TTC39B: variants seen among roughly 807,000 people sequenced by gnomAD.
The protein encoded by TTC39B is tetratricopeptide repeat protein 39B.
A neutral mutation model predicts 96.6 loss-of-function variants in TTC39B; 92 were observed. The ratio of observed to expected loss-of-function variants is 0.95; its 90% CI spans 0.80 to 1.13. The LOEUF is 1.13. Among genes scored for constraint, TTC39B ranks in the 50% most tolerant of loss-of-function variants. The probability of loss-of-function intolerance (pLI) is 0.00; values close to 1 mark genes in which losing one functional copy is unlikely to be tolerated. For missense variants in TTC39B, 955 were observed against 809.3 expected, an observed-to-expected ratio of 1.18 and a Z score of -2.18; for synonymous variants, 367 against 299.4, an observed-to-expected ratio of 1.23 and a Z score of -2.33.
At chr9:15,284,152 C>G (rs1340980585) in intron 1 of TTC39B, among the ~76,000 whole-genome samples, 2 of 152,228 alleles carry the variant, frequency 1.3e-5, no homozygotes, top group South Asian at 4.1e-4. Context: ...CACTCGTACA[C>G]TGAAGAAGAA....
chr9:15,191,162 C>T (rs1241995141), intron 10 of TTC39B, 28 bp downstream of exon 10: 1 of 1,511,114 alleles, frequency 6.6e-7, no homozygotes. Context: ...TCTTCCCTGT[C>T]AAAATTAACA....
In TTC39B at chr9:15,188,014, T is replaced by C. The variant is rs763837031; in HGVS notation, c.1352A>G (p.Tyr451Cys). 7 of 1,612,558 alleles carry C rather than the reference T, an allele frequency of 4.3e-6. No individual in the cohort carries two copies. The highest frequency in any genetic ancestry group is 3.3e-5 in the South Asian group (3 of 90,680). Reference sequence around the variant, plus strand: ...TTTGCAAAGCAGATCTGAATAGTAATATGCCTGCATCCAGTTTTGTTGGAA... The same window carrying C: ...TTTGCAAAGCAGATCTGAATAGTAACATGCCTGCATCCAGTTTTGTTGGAA... The change falls in exon 14 of 20, where the codon TAT (tyrosine) becomes TGT (cysteine). Residue 451 changes from tyrosine (Y) to cysteine (C), a missense_variant. By Grantham distance (194) the Tyr-to-Cys change is radical. Transcript: ENST00000512701.
At chr9:15,249,453 A>C (rs1822433478) in intron 2 of TTC39B, 1 of 153,006 alleles carries the variant, frequency 6.5e-6, no homozygotes, top group African/African-American at 2.4e-5. Flanking sequence ...CTAATCTCTA[A>C]GGTTCTAATT....
exon 20 of TTC39B, chr9:15,171,354 T>G (rs1817650774): frequency 6.6e-6 from 1 of 152,146 alleles, no homozygotes; most frequent in African/African-American, 2.4e-5. Flanking sequence ...TTGAATTTTG[T>G]TATTATAATA....
At chr9:15,204,282 A>C (rs941254852) in intron 6 of TTC39B, among the ~76,000 whole-genome samples, 2 of 152,180 alleles carry the variant, frequency 1.3e-5, no homozygotes, top group Non-Finnish European at 2.9e-5. Flanking sequence ...TAATCCCAGC[A>C]CTTTGGGAGG....
chr9:15,188,787 A>G (rs935632017), intron 13 of TTC39B, among the ~76,000 whole-genome samples: 1 of 152,212 alleles, frequency 6.6e-6, no homozygotes, highest in Non-Finnish European at 1.5e-5. Context: ...TGAGGAGGAC[A>G]ATTTGGCTGG....
At chr9:15,232,538 C>T (rs530203170) in intron 2 of TTC39B, 1 of 152,322 alleles carries the variant, frequency 6.6e-6, no homozygotes, top group South Asian at 2.1e-4. Context: ...AATAAAAACT[C>T]AGAAACGGCA....
intron 2 of TTC39B, among the ~76,000 whole-genome samples, chr9:15,265,522 A>C (rs1823099356): frequency 6.6e-6 from 1 of 152,194 alleles, no homozygotes; most frequent in African/African-American, 2.4e-5. Context: ...TCCTGCCAAC[A>C]CCAAGGGAGG....
At chr9:15,242,203 A>T (rs1822075090) in intron 2 of TTC39B, among the ~76,000 whole-genome samples, 1 of 152,212 alleles carries the variant, frequency 6.6e-6, no homozygotes, top group Non-Finnish European at 1.5e-5. Context: ...GGAGCAAATG[A>T]AGGATAACAT....
intron 8 of TTC39B, among the ~76,000 whole-genome samples, chr9:15,198,645 G>A (rs1459724661): frequency 2.0e-5 from 3 of 151,436 alleles, no homozygotes; most frequent in Non-Finnish European, 4.4e-5. Context: ...ACAGCTAAGA[G>A]AACAACAGTT....
At chr9:15,209,005 A>G (rs1489877436) in intron 6 of TTC39B, among the ~76,000 whole-genome samples, 1 of 152,186 alleles carries the variant, frequency 6.6e-6, no homozygotes, top group Non-Finnish European at 1.5e-5. Flanking sequence ...AATCAGCCAA[A>G]GCTACTTCTA....
At chr9:15,191,010 C>A (rs933194893) in intron 10 of TTC39B, among the ~76,000 whole-genome samples, 180 bp downstream of exon 10, 1 of 152,160 alleles carries the variant, frequency 6.6e-6, no homozygotes, top group Non-Finnish European at 1.5e-5. Context: ...TAACTTTCAT[C>A]AGAAAAACTA....
At chr9:15,249,892 C>G in intron 2 of TTC39B, 1 of 1,241,682 alleles carries the variant, frequency 8.1e-7, no homozygotes, top group South Asian at 1.4e-5. Flanking sequence ...AACCCAGGAA[C>G]TGCTAAATAA....
intron 3 of TTC39B, among the ~76,000 whole-genome samples, chr9:15,223,258 G>A (rs1047518816): frequency 1.3e-5 from 2 of 152,216 alleles, no homozygotes; most frequent in Non-Finnish European, 2.9e-5. Flanking sequence ...AACCATGGTT[G>A]TCAAAACACT....
At chr9:15,232,754 G>A (rs1393398016) in intron 2 of TTC39B, among the ~76,000 whole-genome samples, 1 of 152,194 alleles carries the variant, frequency 6.6e-6, no homozygotes, top group Admixed American at 6.5e-5. Context: ...AAATCTGGAG[G>A]GGAGGTTGGG....
chr9:15,254,637 G>C (rs1462845092), intron 2 of TTC39B, among the ~76,000 whole-genome samples: 1 of 151,900 alleles, frequency 6.6e-6, no homozygotes, highest in Non-Finnish European at 1.5e-5. Flanking sequence ...CCGAGACAAA[G>C]AGAATGTATC....
At chr9:15,222,171 G>A (rs777732980) in intron 3 of TTC39B, among the ~76,000 whole-genome samples, 18 of 152,244 alleles carry the variant, frequency 1.2e-4, no homozygotes, top group Non-Finnish European at 5.9e-5. Flanking sequence ...TGGTACAGAT[G>A]TGATAATGGC....
intron 1 of TTC39B, among the ~76,000 whole-genome samples, chr9:15,275,938 C>G (rs963521969): frequency 2.6e-5 from 4 of 152,040 alleles, no homozygotes; most frequent in Admixed American, 2.0e-4. Flanking sequence ...TTAAAAAGAC[C>G]TCAGGAATAC....
intron 1 of TTC39B, among the ~76,000 whole-genome samples, chr9:15,305,876 G>A (rs1824738151): frequency 6.6e-6 from 1 of 151,804 alleles, no homozygotes; most frequent in South Asian, 2.1e-4. Context: ...CAAACAGATC[G>A]GGATTCAAAT....
Sources: allele counts gnomAD v4.1 joint callset (sites outside exome capture counted in the v4.1 genomes callset), GRCh38; gene constraint gnomAD v4.1.1; transcripts MANE v1.5; gene names NCBI Gene and HGNC (gene_info 2026-07-23, HGNC 2026-07-21).